EHBP1: variants seen among roughly 807,000 people sequenced by gnomAD.
EHBP1 encodes the protein EH domain-binding protein 1.
EHBP1 carries 55 observed loss-of-function variants against 144.0 expected under a neutral mutation model. The ratio of observed to expected loss-of-function variants is 0.38; its 90% confidence interval spans 0.31 to 0.48. The LOEUF (loss-of-function observed/expected upper bound fraction) is 0.48, where lower values mean the gene tolerates loss of function less well. EHBP1 is among the 20% of genes least tolerant of loss of function. The pLI is 0.98. For missense variants in EHBP1, 1,200 were observed against 1,364.2 expected (o/e 0.88, Z 1.90); for synonymous variants, 469 against 472.7 (o/e 0.99, Z 0.10).
At chr2:63,003,033 C>T (rs1007283767) in intron 19 of EHBP1, among the ~76,000 whole-genome samples, 6 of 151,882 alleles carry the variant, frequency 4.0e-5, no homozygotes, top group African/African-American at 9.7e-5. Flanking sequence ...ATTATAATTA[C>T]GAATTTGGTC....
At chr2:62,956,440 T>C (rs2057699252) in intron 14 of EHBP1, among the ~76,000 whole-genome samples, 1 of 152,182 alleles carries the variant, frequency 6.6e-6, no homozygotes, top group African/African-American at 2.4e-5. Context: ...GTCACCTTGT[T>C]GCATGTGTTT....
At chr2:63,041,923 A>G (rs986552101) in intron 21 of EHBP1, among the ~76,000 whole-genome samples, 2 of 152,184 alleles carry the variant, frequency 1.3e-5, no homozygotes, top group African/African-American at 2.4e-5. Context: ...GCCTTTTTTC[A>G]AGGTAATTAT....
At chr2:62,859,385 C>A (rs1342548604) in intron 8 of EHBP1, 94 bp downstream of exon 8, 1 of 1,196,820 alleles carries the variant, frequency 8.4e-7, no homozygotes, top group Non-Finnish European at 1.1e-6. Context: ...GACTAACACA[C>A]AAAAAATTAT....
intron 5 of EHBP1, among the ~76,000 whole-genome samples, chr2:62,816,995 C>T (rs868744265): frequency 1.7e-4 from 26 of 152,062 alleles, no homozygotes; most frequent in African/African-American, 5.6e-4. Flanking sequence ...ATCTTTTTCT[C>T]GTGTTTAGGA....
At chr2:62,916,900 A>G (rs1056118914) in intron 10 of EHBP1, among the ~76,000 whole-genome samples, 52 of 151,338 alleles carry the variant, frequency 3.4e-4, no homozygotes, top group African/African-American at 1.2e-3. Context: ...AATAGCTATT[A>G]CAATATGCAA....
chr2:62,874,590 A>G, intron 10 of EHBP1, 58 bp downstream of exon 10: 1 of 1,411,658 alleles, frequency 7.1e-7, no homozygotes, highest in Non-Finnish European at 9.6e-7. Context: ...TCCCCGTGCC[A>G]TTTAATTTAA....
At chr2:62,803,261 C>A (rs961736652) in intron 5 of EHBP1, among the ~76,000 whole-genome samples, 1 of 151,520 alleles carries the variant, frequency 6.6e-6, no homozygotes, top group South Asian at 2.1e-4. Context: ...TTTATGCACA[C>A]GTGCATGATA....
chr2:63,019,977 T>C (rs900801343), intron 19 of EHBP1, among the ~76,000 whole-genome samples: 3 of 149,986 alleles, frequency 2.0e-5, no homozygotes, highest in Non-Finnish European at 3.0e-5. Context: ...TTGCCTGAGG[T>C]CAGGAATTGG....
intron 7 of EHBP1, among the ~76,000 whole-genome samples, chr2:62,844,105 A>G (rs1211614216): frequency 6.6e-6 from 1 of 152,258 alleles, no homozygotes; most frequent in Non-Finnish European, 1.5e-5. Flanking sequence ...ACTGTTAACA[A>G]TTGTGTACCT....
At chr2:62,856,051 T>C (rs894592242) in intron 7 of EHBP1, among the ~76,000 whole-genome samples, 3 of 152,180 alleles carry the variant, frequency 2.0e-5, no homozygotes, top group African/African-American at 4.8e-5. Flanking sequence ...ACTGCGAGTC[T>C]CCTCTGAGCT....
chr2:62,878,226 G>A (rs1286521592), intron 10 of EHBP1, among the ~76,000 whole-genome samples: 8 of 152,154 alleles, frequency 5.3e-5, no homozygotes, highest in South Asian at 4.1e-4. Context: ...CAAGATATGA[G>A]TAAATTACTG....
At chr2:62,990,979 G>A (rs905780252) in intron 16 of EHBP1, 139 bp downstream of exon 16, 159 of 1,075,182 alleles carry the variant, frequency 1.5e-4, no homozygotes, top group Middle Eastern at 5.5e-4. Flanking sequence ...TTTTACTGGT[G>A]AGGTGTGGTG....
intron 5 of EHBP1, among the ~76,000 whole-genome samples, chr2:62,798,585 C>CACCTATTT (rs1170804248): frequency 3.3e-5 from 5 of 152,136 alleles, no homozygotes; most frequent in Non-Finnish European, 5.9e-5. Context: ...GATAATAATA[C>CACCTATTT]ACCTATTTCA....
chr2:63,005,455 C>G (rs571753356), intron 19 of EHBP1, among the ~76,000 whole-genome samples: 52 of 152,154 alleles, frequency 3.4e-4, no homozygotes, highest in African/African-American at 1.2e-3. Flanking sequence ...CTAGAGTTCT[C>G]TCAGGGTCAG....
intron 10 of EHBP1, among the ~76,000 whole-genome samples, chr2:62,919,502 A>T (rs976562227): frequency 4.6e-5 from 7 of 152,198 alleles, no homozygotes; most frequent in Admixed American, 2.0e-4. Context: ...ATTTTTTTTA[A>T]GCACAAACAA....
At chr2:62,730,635 A>G (rs141877885) in intron 2 of EHBP1, among the ~76,000 whole-genome samples, 1 of 151,858 alleles carries the variant, frequency 6.6e-6, no homozygotes, top group Admixed American at 6.6e-5. Context: ...AGAGAGAGAG[A>G]GAGAGACAGA....
chr2:62,859,357 G>A, intron 8 of EHBP1, 66 bp downstream of exon 8: 1 of 1,450,434 alleles, frequency 6.9e-7, no homozygotes, highest in Non-Finnish European at 9.3e-7. Context: ...GTAAGGGCAG[G>A]AAAATATTTT....
At chr2:62,880,460 G>A (rs2051310177) in intron 10 of EHBP1, among the ~76,000 whole-genome samples, 1 of 151,694 alleles carries the variant, frequency 6.6e-6, no homozygotes, top group South Asian at 2.1e-4. Flanking sequence ...AGAGTAAACA[G>A]ACAATCTACA....
At chr2:62,725,249 T>TTGTGCATTATTTGCA (rs2036646448) in intron 2 of EHBP1, among the ~76,000 whole-genome samples, 2 of 152,338 alleles carry the variant, frequency 1.3e-5, no homozygotes, top group African/African-American at 4.8e-5. Flanking sequence ...CCTCATTTGC[T>TTGTGCATTATTTGCA]TGTGCCTTAT....
Sources: allele counts gnomAD v4.1 joint callset (sites outside exome capture counted in the v4.1 genomes callset), GRCh38; gene constraint gnomAD v4.1.1; transcripts MANE v1.5; gene names NCBI Gene and HGNC (gene_info 2026-07-23, HGNC 2026-07-21).